Variants in KPNA1 observed in about 807,000 individuals in gnomAD.
The protein encoded by KPNA1 is importin subunit alpha-5.
KPNA1 carries 10 observed loss-of-function variants against 70.5 expected under a neutral mutation model. The observed-to-expected ratio is 0.14, with a 90% CI of 0.09 to 0.24. The LOEUF (loss-of-function observed/expected upper bound fraction) is 0.24. KPNA1 is among the 10% of genes least tolerant of loss of function. The probability of loss-of-function intolerance (pLI) is 1.00; values close to 1 mark genes in which losing one functional copy is unlikely to be tolerated. For missense variants in KPNA1, 397 were observed against 637.9 expected, an observed-to-expected ratio of 0.62 and a Z score of 4.07; for synonymous variants, 192 against 221.9, an observed-to-expected ratio of 0.87 and a Z score of 1.20.
rs757905354 is a variant in KPNA1, at chr3:122,496,571, CTACAA to C, written c.-5-6_-5-2del. 6.2e-7 allele frequency: 1 copy of C among 1,613,036 alleles called. No individual in the cohort carries two copies. The highest frequency in any genetic ancestry group is 8.5e-7 in the Non-Finnish European group (1 of 1,179,368). On this transcript the variant is annotated splice_acceptor_variant and splice_polypyrimidine_tract_variant and intron_variant, in intron 1 of 13. Transcript: ENST00000344337. LOFTEE classifies it low-confidence loss of function (5UTR_SPLICE). ...TCTTTTCCTGGGGTGGTCATGATTT[CTACAA>C]TACAAGTGGGGAGAGAACAAATGAG...
At chr3:122,479,408 C>T (rs6438732) in intron 2 of KPNA1, among the ~76,000 whole-genome samples, 148,868 of 152,286 alleles carry the variant, frequency 0.98, 72,856 homozygotes, top group East Asian at 1. Context: ...TCATTGCCGG[C>T]AGAAAAGGCA....
At chr3:122,458,990 T>C (rs1036028217) in intron 5 of KPNA1, among the ~76,000 whole-genome samples, 1 of 152,170 alleles carries the variant, frequency 6.6e-6, no homozygotes, top group African/African-American at 2.4e-5. Flanking sequence ...AATCATGAGG[T>C]TATCACTTCC....
chr3:122,450,509 G>A (rs1160335133), intron 8 of KPNA1, among the ~76,000 whole-genome samples: 1 of 152,196 alleles, frequency 6.6e-6, no homozygotes, highest in Non-Finnish European at 1.5e-5. Context: ...TTGAACCTAG[G>A]AGGCAGAGGT....
chr3:122,486,368 A>G (rs1473799974), intron 2 of KPNA1, among the ~76,000 whole-genome samples: 1 of 152,220 alleles, frequency 6.6e-6, no homozygotes. Flanking sequence ...ACTAGAAAGA[A>G]AAAGAATACA....
intron 2 of KPNA1, among the ~76,000 whole-genome samples, chr3:122,478,539 T>C (rs1025537676): frequency 3.1e-4 from 46 of 148,122 alleles, no homozygotes; most frequent in African/African-American, 1.1e-3. Context: ...CTGGACAACA[T>C]GGGGAAACCC....
At chr3:122,470,298 GTCAGGA>G (rs2076426597) in intron 2 of KPNA1, among the ~76,000 whole-genome samples, 1 of 152,072 alleles carries the variant, frequency 6.6e-6, no homozygotes, top group Non-Finnish European at 1.5e-5. Flanking sequence ...GGATCATGAG[GTCAGGA>G]GATTGAGACT....
intron 6 of KPNA1, among the ~76,000 whole-genome samples, chr3:122,452,577 GGAA>G (rs2076217299): frequency 1.8e-4 from 5 of 27,142 alleles, no homozygotes; most frequent in African/African-American, 9.8e-4. Flanking sequence ...AAGGAGGGAA[GGAA>G]GGAAGGAAGG....
At chr3:122,499,896 T>C (rs72960421) in intron 1 of KPNA1, among the ~76,000 whole-genome samples, 2,287 of 152,324 alleles carry the variant, frequency 0.015, 59 homozygotes, top group African/African-American at 0.053. Flanking sequence ...AATTATATTA[T>C]TTCTTTAAAT....
chr3:122,477,948 T>A (rs949086221), intron 2 of KPNA1, among the ~76,000 whole-genome samples: 1 of 150,670 alleles, frequency 6.6e-6, no homozygotes, highest in Non-Finnish European at 1.5e-5. Context: ...GGGATCATGA[T>A]GTCAGGAGAT....
chr3:122,488,232 T>C (rs947179705), intron 2 of KPNA1, among the ~76,000 whole-genome samples: 2 of 152,190 alleles, frequency 1.3e-5, no homozygotes, highest in African/African-American at 4.8e-5. Flanking sequence ...TAAAAATCTT[T>C]ATCCGGGACT....
chr3:122,437,717 T>C (rs2076007382), intron 10 of KPNA1, among the ~76,000 whole-genome samples: 1 of 152,154 alleles, frequency 6.6e-6, no homozygotes, highest in Non-Finnish European at 1.5e-5. Context: ...TATTAGATGC[T>C]TTATAGGATA....
At chr3:122,513,387 A>G (rs1310412760) in intron 1 of KPNA1, among the ~76,000 whole-genome samples, 1 of 152,248 alleles carries the variant, frequency 6.6e-6, no homozygotes, top group African/African-American at 2.4e-5. Context: ...ATTTCAGTAA[A>G]AATACAACAG....
rs531517886 is a variant in KPNA1, at chr3:122,491,892, C to T, written c.129+4545G>A. On this transcript the variant is annotated intron_variant, in intron 2 of 13. Coordinates refer to ENST00000344337, the MANE Select transcript of KPNA1 (RefSeq NM_002264.4). ...TTTTTTTTTTTTTGAGACGGAGTTT[C>T]GCTCTGTCGCCCAGGCTGGAGTGCA... is the stretch of plus-strand genomic sequence containing the variant. Among the ~76,000 whole-genome samples the T allele has an allele frequency of 5.1e-4, 52 of 101,738 alleles. No individual in the cohort carries two copies. In the East Asian group the frequency reaches 0.014, roughly 28 times the overall value. The allele number at this position is 101,738 out of a possible 152,430, so 66.7% of individuals were successfully genotyped here.
intron 1 of KPNA1, among the ~76,000 whole-genome samples, chr3:122,513,024 G>A (rs1301980150): frequency 6.6e-6 from 1 of 152,164 alleles, no homozygotes; most frequent in Non-Finnish European, 1.5e-5. Context: ...TTTTGATCGC[G>A]ACTATATCCC....
intron 1 of KPNA1, among the ~76,000 whole-genome samples, chr3:122,504,566 AG>A (rs2076868208): frequency 6.6e-6 from 1 of 152,208 alleles, no homozygotes; most frequent in African/African-American, 2.4e-5. Flanking sequence ...TGTGGGGGCA[AG>A]GGGTTGACGG....
intron 9 of KPNA1, among the ~76,000 whole-genome samples, chr3:122,445,300 T>G (rs2107731024): frequency 6.6e-6 from 1 of 152,268 alleles, no homozygotes; most frequent in East Asian, 1.9e-4. Context: ...GAAGAAAGGA[T>G]ATCAGTGACT....
intron 2 of KPNA1, among the ~76,000 whole-genome samples, chr3:122,491,432 T>C (rs2107492650): frequency 6.6e-6 from 1 of 152,318 alleles, no homozygotes; most frequent in Non-Finnish European, 1.5e-5. Flanking sequence ...TTTCAAGATA[T>C]GTTAAATGTT....
chr3:122,490,953 C>T (rs2076691689), intron 2 of KPNA1, among the ~76,000 whole-genome samples: 1 of 151,898 alleles, frequency 6.6e-6, no homozygotes. Context: ...TCATAACTAC[C>T]AATTTTATAT....
chr3:122,478,453 C>A (rs1053880937), intron 2 of KPNA1, among the ~76,000 whole-genome samples: 1 of 152,002 alleles, frequency 6.6e-6, no homozygotes, highest in Admixed American at 6.6e-5. Flanking sequence ...GAAACCCCAT[C>A]TCTATTAATA....
Sources: allele counts gnomAD v4.1 joint callset (sites outside exome capture counted in the v4.1 genomes callset), GRCh38; gene constraint gnomAD v4.1.1; transcripts MANE v1.5; gene names NCBI Gene and HGNC (gene_info 2026-07-23, HGNC 2026-07-21).